ROGDI: variants seen among roughly 807,000 people sequenced by gnomAD.
ROGDI encodes the protein rogdi atypical leucine zipper.
ROGDI carries 46 observed loss-of-function variants against 43.1 expected under a neutral mutation model. That is an observed-to-expected ratio of 1.07 (90% CI 0.84 to 1.37). The LOEUF (loss-of-function observed/expected upper bound fraction) is 1.37. ROGDI is among the 40% of genes most tolerant of loss of function. The pLI is 0.00. For missense variants in ROGDI, 518 were observed against 383.9 expected (o/e 1.35, Z -2.92); for synonymous variants, 243 against 162.0 (o/e 1.50, Z -3.80).
chr16:4,798,313 A>G (rs371576777), intron 7 of ROGDI, 129 bp from the exon 8 acceptor site: 30 of 830,514 alleles, frequency 3.6e-5, no homozygotes, highest in East Asian at 1.3e-4. Context: ...CTTCTCATCA[A>G]TGGGGGCTTC....
At chr16:4,799,848 C>CTGCT in intron 5 of ROGDI, 67 bp from the exon 6 acceptor site, 1 of 1,091,136 alleles carries the variant, frequency 9.2e-7, no homozygotes, top group Non-Finnish European at 1.4e-6. Context: ...AGAGTGGGTG[C>CTGCT]TGCCTGCCTG....
At position 4,801,291 on chromosome 16, in the gene ROGDI, C is replaced by G. The variant is rs1555491511; in HGVS notation, c.231G>C (p.Leu77=). Residue 77 remains leucine (L), a synonymous_variant, in exon 4 of 11, where the codon CTG becomes CTC. Transcript: ENST00000322048. ...CCGCCTGGCTGAGGGCATCCCCCTG[C>G]AGAGTCAGCACACCCTTCACCTGGT... ...GTDQVKGVLT[L]QGDALSQADV... is the part of the protein sequence containing the mutation. The G allele has an allele frequency of 6.8e-6, 11 of 1,609,012 alleles. No homozygotes were observed. Among genetic ancestry groups the G allele is most frequent in the Non-Finnish European group, 5.1e-6 (6 of 1,176,542 alleles).
At position 4,798,668 on chromosome 16, in the gene ROGDI, C is replaced by A; in HGVS notation, c.433-1G>T. The A allele has an allele frequency of 6.4e-7, 1 of 1,561,354 alleles. No individual in the cohort carries two copies. On this transcript the variant is annotated splice_acceptor_variant, in intron 6 of 10. Transcript: ENST00000322048. LOFTEE classifies it high-confidence loss of function. ...GCTGCAGCATCACTGCGTCCATCAG[C>A]TGCAGGGAGAGGCGGGGTTGGCTCT... is the stretch of plus-strand genomic sequence containing the variant.
chr16:4,799,536 C>T (rs112301127), intron 6 of ROGDI, 150 bp downstream of exon 6: 2 of 608,364 alleles, frequency 3.3e-6, no homozygotes, highest in Non-Finnish European at 5.8e-6. Context: ...TGCCCCTGAC[C>T]CCACAGGTAG....
rs747891068 is a variant in ROGDI at position 4,797,980 on chromosome 16, C to T, written c.653G>A (p.Arg218His). The T allele has an allele frequency of 1.1e-5, 17 of 1,608,046 alleles. No homozygotes were observed. The highest frequency in any genetic ancestry group is 5.3e-5 in the African/African-American group (4 of 74,820). ...ALQPNSTKNF[R>H]PAGGAVLHSP... ...ATGCAGCACCGCGCCCCCAGCTGGG[C>T]GGAAGTTCTAGGGAGAACAGCACCA... Residue 218 changes from arginine (R) to histidine (H), a missense_variant, in exon 9 of 11, where the codon CGC becomes CAC. Arg to His is a conservative substitution (Grantham distance 29). Transcript: ENST00000322048.
At chr16:4,797,915 AC>A (rs753232338) in intron 9 of ROGDI, 22 bp downstream of exon 9, 40 of 1,596,484 alleles carry the variant, frequency 2.5e-5, no homozygotes, top group Middle Eastern at 1.7e-4. Context: ...GCGTGCCTGG[AC>A]CCCCCGCCCC....
Position 4,801,307 on chromosome 16 carries a change from T to G in ROGDI, c.215A>C (p.Lys72Thr), listed in dbSNP as rs779096456. The part of the protein sequence containing the change: ...ILGSCGTDQV[K>T]GVLTLQGDAL... ...ATCCCCCTGCAGAGTCAGCACACCC[T>G]TCACCTGGTCTGTGCTGTAACATGT... Residue 72 changes from lysine (K) to threonine (T), a missense_variant, in exon 4 of 11, where the codon AAG becomes ACG. Lys to Thr is a moderately conservative substitution (Grantham distance 78). Coordinates refer to ENST00000322048, the MANE Select transcript of ROGDI (RefSeq NM_024589.3). The G allele has an allele frequency of 1.2e-6, 2 of 1,609,212 alleles. No homozygotes were observed. The highest frequency in any genetic ancestry group is 1.7e-6 in the Non-Finnish European group (2 of 1,176,646).
Position 4,797,206 on chromosome 16 carries a change from T to C in ROGDI, c.*254A>G. On this transcript the variant is annotated 3_prime_UTR_variant, in exon 11 of 11. Transcript: ENST00000322048. ...CTGAGTCCAAAGATTCCCATGGTGA[T>C]CAGAGGGCGGTGTTGGGAATGTGGG... 1 of 460,272 alleles carries C rather than the reference T, an allele frequency of 2.2e-6. No homozygotes were observed. Among genetic ancestry groups the C allele is most frequent in the Non-Finnish European group, 3.9e-6 (1 of 254,304 alleles). The allele number at this position is 460,272 out of a possible 1,614,324, so 28.5% of individuals were successfully genotyped here.
intron 2 of ROGDI, 100 bp from the exon 3 acceptor site, chr16:4,801,685 G>A (rs1360206067): frequency 1.8e-6 from 2 of 1,140,954 alleles, no homozygotes; most frequent in African/African-American, 1.5e-5. Context: ...GCGGGGGGAA[G>A]GAACAACGTG....
chr16:4,801,678 G>T (rs577487745), intron 2 of ROGDI, 93 bp from the exon 3 acceptor site: 25 of 1,239,702 alleles, frequency 2.0e-5, no homozygotes, highest in Admixed American at 1.4e-4. Flanking sequence ...CAAGTCAGCG[G>T]GGGGAAGGAA....
Position 4,797,381 on chromosome 16 carries a change from G to C in ROGDI, c.*79C>G. On this transcript the variant is annotated 3_prime_UTR_variant, in exon 11 of 11. Coordinates refer to ENST00000322048, the MANE Select transcript of ROGDI (RefSeq NM_024589.3). ...GGGAGATAAATAGCAGCCTGGCGTT[G>C]GCACTGGCTGGTGCTCTGTGGTGGG... The C allele has an allele frequency of 7.5e-7, 1 of 1,328,234 alleles. No individual in the cohort carries two copies. The highest frequency in any genetic ancestry group is 1.1e-6 in the Non-Finnish European group (1 of 945,950). The allele number at this position is 1,328,234 out of a possible 1,614,324, so 82.3% of individuals were successfully genotyped here.
chr16:4,800,716 C>T, intron 4 of ROGDI, 138 bp from the exon 5 acceptor site: 2 of 672,524 alleles, frequency 3.0e-6, no homozygotes, highest in Non-Finnish European at 5.1e-6. Context: ...GAGGGTCTCC[C>T]AATGCCTTGG....
intron 6 of ROGDI, among the ~76,000 whole-genome samples, chr16:4,799,230 C>T (rs2082689576): frequency 6.6e-6 from 1 of 152,050 alleles, no homozygotes; most frequent in Non-Finnish European, 1.5e-5. Context: ...TAAGAGCTGA[C>T]TGGGGGTATA....
In ROGDI at chr16:4,799,296, G is replaced by C. The variant is rs889327557; in HGVS notation, c.432+390C>G. ...TCTCGAAGGGATCTTAGTCTATCTG[G>C]TTCTAAGTGTGAGGAAACAGAGGTC... On this transcript the variant is annotated intron_variant, in intron 6 of 10. Coordinates refer to ENST00000322048, the MANE Select transcript of ROGDI (RefSeq NM_024589.3). Among the ~76,000 whole-genome samples the C allele has an allele frequency of 3.4e-4, 51 of 152,210 alleles. 1 individual carries two copies. Among genetic ancestry groups the C allele is most frequent in the Admixed American group, 3.2e-3 (49 of 15,294 alleles).
Position 4,797,896 on chromosome 16 carries a change from A to C in ROGDI, c.695+42T>G, listed in dbSNP as rs2082672163. ...GTCCCGGCCCTCCAGGTGTGGAGGG[A>C]TGGGGTGGGCGTGCCTGGACCCCCC... On this transcript the variant is annotated intron_variant, in intron 9 of 10. Coordinates refer to ENST00000322048, the MANE Select transcript of ROGDI (RefSeq NM_024589.3). 1.9e-6 allele frequency: 3 copies of C among 1,602,374 alleles called. No individual in the cohort carries two copies. In the Admixed American group the frequency reaches 5.0e-5, roughly 27 times the overall value.
At chr16:4,801,015 G>A (rs2141911439) in intron 4 of ROGDI, 1 of 511,112 alleles carries the variant, frequency 2.0e-6, no homozygotes, top group East Asian at 3.1e-5. Flanking sequence ...ATCCACCAAT[G>A]CCCATGTTTC....
intron 6 of ROGDI, among the ~76,000 whole-genome samples, chr16:4,799,184 A>AT (rs1384318290): frequency 1.3e-5 from 2 of 152,132 alleles, no homozygotes; most frequent in African/African-American, 4.8e-5. Flanking sequence ...AGCCGTGGCC[A>AT]TGAGTACCAG....
Position 4,800,583 on chromosome 16 carries a change from C to G in ROGDI, c.256-5G>C, listed in dbSNP as rs572561598. On this transcript the variant is annotated splice_polypyrimidine_tract_variant and splice_region_variant and intron_variant, in intron 4 of 10. Coordinates refer to ENST00000322048, the MANE Select transcript of ROGDI (RefSeq NM_024589.3). ...GGGCATCTTCAGGTTCACATCCTGA[C>G]AGGCAAGAGTGGGGTGAGCTGGGCA... 1.3e-6 allele frequency: 2 copies of G among 1,562,424 alleles called. No homozygotes were observed. Among genetic ancestry groups the G allele is most frequent in the Admixed American group, 1.9e-5 (1 of 52,316 alleles).
intron 2 of ROGDI, 121 bp downstream of exon 2, chr16:4,802,261 T>C (rs927827429): frequency 4.2e-6 from 4 of 942,610 alleles, no homozygotes; most frequent in African/African-American, 3.3e-5. Context: ...GGGCCCTGCC[T>C]GAAAGCCGCG....
Sources: allele counts gnomAD v4.1 joint callset (sites outside exome capture counted in the v4.1 genomes callset), GRCh38; gene constraint gnomAD v4.1.1; transcripts MANE v1.5; gene names NCBI Gene and HGNC (gene_info 2026-07-23, HGNC 2026-07-21).